CTIF: variants seen among roughly 807,000 people sequenced by gnomAD.
CTIF encodes CBP80/20-dependent translation initiation factor.
Under a neutral mutation model 66.0 loss-of-function variants are expected in CTIF, and 21 were observed. The ratio of observed to expected loss-of-function variants is 0.32; its 90% CI spans 0.23 to 0.46. CTIF has a LOEUF of 0.46. CTIF is among the 20% of genes least tolerant of loss of function. The pLI, the probability that CTIF is intolerant of heterozygous loss-of-function variation, is 1.00. For missense variants in CTIF, 739 were observed against 812.7 expected, an observed-to-expected ratio of 0.91 and a Z score of 1.10; for synonymous variants, 345 against 326.4, an observed-to-expected ratio of 1.06 and a Z score of -0.62.
chr18:48,622,228 C>A (rs936772849), intron 2 of CTIF, among the ~76,000 whole-genome samples: 1 of 151,998 alleles, frequency 6.6e-6, no homozygotes, highest in African/African-American at 2.4e-5. Context: ...GGATTGGAGG[C>A]CACCCAAAGA....
intron 6 of CTIF, chr18:48,688,381 C>T (rs1368753100): frequency 6.6e-6 from 1 of 152,270 alleles, no homozygotes; most frequent in East Asian, 1.9e-4. Context: ...AAGAGAGGGT[C>T]AGATGAGGGC....
At chr18:48,677,590 C>T (rs1171571391) in intron 6 of CTIF, among the ~76,000 whole-genome samples, 1 of 152,184 alleles carries the variant, frequency 6.6e-6, no homozygotes, top group Non-Finnish European at 1.5e-5. Flanking sequence ...TGTTATTGAC[C>T]TCACTTTACA....
At chr18:48,803,725 A>T (rs2068090120) in intron 9 of CTIF, among the ~76,000 whole-genome samples, 1 of 152,218 alleles carries the variant, frequency 6.6e-6, no homozygotes, top group African/African-American at 2.4e-5. Context: ...TGTGATGAGC[A>T]GGGCCAGTCA....
In CTIF at chr18:48,859,750, G is replaced by GC. The variant is rs758594108; in HGVS notation, c.*197dup. 1 of 697,576 alleles carries GC rather than the reference G, an allele frequency of 1.4e-6. No homozygotes were observed. The highest frequency in any genetic ancestry group is 2.6e-6 in the Non-Finnish European group (1 of 382,450). The allele number at this position is 697,576 out of a possible 1,614,324, so 43.2% of individuals were successfully genotyped here. On this transcript the variant is annotated 3_prime_UTR_variant, in exon 12 of 12. Coordinates refer to ENST00000256413, the MANE Select transcript of CTIF (RefSeq NM_014772.3). Reference sequence around the variant, plus strand: ...CCCTGAGAGGAGTGCCCCCGCACAAGCCCCCCAGCCCGAGCATGCAAGCTC... The same window carrying GC: ...CCCTGAGAGGAGTGCCCCCGCACAAGCCCCCCCAGCCCGAGCATGCAAGCTC...
At chr18:48,542,835 G>A (rs1186505361) in intron 1 of CTIF, among the ~76,000 whole-genome samples, 5 of 152,210 alleles carry the variant, frequency 3.3e-5, no homozygotes, top group African/African-American at 1.2e-4. Flanking sequence ...CCTCCCGGGA[G>A]GGCCCAGAGG....
At chr18:48,615,702 C>T (rs1446416552) in intron 1 of CTIF, among the ~76,000 whole-genome samples, 1 of 152,202 alleles carries the variant, frequency 6.6e-6, no homozygotes, top group African/African-American at 2.4e-5. Flanking sequence ...CCTCATACTC[C>T]GGGTTGCAGG....
At chr18:48,706,035 C>T (rs2092149030) in intron 6 of CTIF, among the ~76,000 whole-genome samples, 2 of 152,092 alleles carry the variant, frequency 1.3e-5, no homozygotes, top group Non-Finnish European at 2.9e-5. Flanking sequence ...CTACATTTGT[C>T]GAGTGAGAGA....
chr18:48,754,989 G>A (rs181852639), intron 7 of CTIF, among the ~76,000 whole-genome samples: 2 of 152,170 alleles, frequency 1.3e-5, no homozygotes, highest in African/African-American at 2.4e-5. Context: ...TTTTCTGGGG[G>A]TGGAGGAGTG....
chr18:48,854,519 G>A lies in CTIF; in HGVS notation c.1528-3069G>A, dbSNP rs142332140. ...AGGCAAACGTGTGCAGGCCTGACCCGTCTTGCTCTCTGCCCCTGCTGCTGC... is the reference window on the plus strand; with the variant it reads ...AGGCAAACGTGTGCAGGCCTGACCCATCTTGCTCTCTGCCCCTGCTGCTGC... On this transcript the variant is annotated intron_variant, in intron 10 of 11. Coordinates refer to ENST00000256413, the MANE Select transcript of CTIF (RefSeq NM_014772.3). 9.2e-5 allele frequency among the ~76,000 whole-genome samples: 14 copies of A among 152,236 alleles called. No individual in the cohort carries two copies. The East Asian group carries it at 9.6e-4, about 10-fold the overall frequency.
chr18:48,821,117 C>T (rs921425107), intron 10 of CTIF, among the ~76,000 whole-genome samples: 3 of 152,240 alleles, frequency 2.0e-5, no homozygotes, highest in Admixed American at 6.5e-5. Context: ...GTCCCTGACA[C>T]TTCTTCCTAG....
chr18:48,667,345 G>T (rs1014174267), intron 5 of CTIF, among the ~76,000 whole-genome samples: 2 of 152,188 alleles, frequency 1.3e-5, no homozygotes, highest in African/African-American at 4.8e-5. Flanking sequence ...TGCAAAAGGG[G>T]TTAGAAAGGA....
chr18:48,859,231 C>T (rs2069401247), intron 11 of CTIF, 113 bp from the exon 12 acceptor site: 2 of 867,122 alleles, frequency 2.3e-6, no homozygotes, highest in Non-Finnish European at 3.9e-6. Flanking sequence ...GGGTCTGGGC[C>T]TGTGTGTCCT....
intron 10 of CTIF, among the ~76,000 whole-genome samples, chr18:48,848,041 C>T (rs118022190): frequency 1.9e-3 from 291 of 152,306 alleles, no homozygotes; most frequent in Non-Finnish European, 3.2e-3. Flanking sequence ...CCGGAGGGTA[C>T]TCCTGACGTG....
chr18:48,853,177 C>T (rs894137631), intron 10 of CTIF, among the ~76,000 whole-genome samples: 11 of 152,170 alleles, frequency 7.2e-5, no homozygotes, highest in East Asian at 1.9e-4. Flanking sequence ...GGACCGACAT[C>T]GCCCTACCCT....
At chr18:48,633,199 G>A (rs1598772263) in intron 2 of CTIF, among the ~76,000 whole-genome samples, 1 of 152,304 alleles carries the variant, frequency 6.6e-6, no homozygotes, top group Non-Finnish European at 1.5e-5. Context: ...CCTAGGATGG[G>A]ATGAGGAGTG....
intron 9 of CTIF, among the ~76,000 whole-genome samples, chr18:48,811,157 TA>T: frequency 6.6e-6 from 1 of 152,310 alleles, no homozygotes; most frequent in African/African-American, 2.4e-5. Flanking sequence ...ATTAAGTCAC[TA>T]CTACTATAAA....
chr18:48,597,499 A>G (rs2090008149), intron 1 of CTIF, among the ~76,000 whole-genome samples: 1 of 152,074 alleles, frequency 6.6e-6, no homozygotes. Flanking sequence ...CCCCTTGGTG[A>G]TAAGCGAACT....
intron 1 of CTIF, among the ~76,000 whole-genome samples, chr18:48,608,980 G>C (rs1256683963): frequency 6.6e-6 from 1 of 152,252 alleles, no homozygotes; most frequent in Non-Finnish European, 1.5e-5. Flanking sequence ...GCTGGGTTCA[G>C]AGCAGGGCAC....
chr18:48,753,019 C>T (rs915238125), intron 7 of CTIF, among the ~76,000 whole-genome samples: 1 of 152,228 alleles, frequency 6.6e-6, no homozygotes, highest in Non-Finnish European at 1.5e-5. Flanking sequence ...AGCCCCTGAG[C>T]TGCAGAGAAA....
Sources: gnomAD v4.1 joint callset for allele counts (sites outside exome capture counted in the v4.1 genomes callset) on GRCh38, gnomAD v4.1.1 for gene constraint, MANE v1.5 for transcripts, NCBI Gene and HGNC (gene_info 2026-07-23, HGNC 2026-07-21) for gene names.